RFC1: variants seen among roughly 807,000 people sequenced by gnomAD.
The protein encoded by RFC1 is A1 140 kDa subunit.
Under a neutral mutation model 137.4 loss-of-function variants are expected in RFC1, and 37 were observed. That is an observed-to-expected ratio of 0.27 (90% CI 0.21 to 0.35). RFC1 has a LOEUF of 0.35. Among genes scored for constraint, RFC1 ranks in the 10% least tolerant of loss-of-function variants. RFC1 has a pLI of 1.00. For synonymous variants in RFC1, 429 were observed against 455.7 expected, an observed-to-expected ratio of 0.94 and a Z score of 0.75; for missense variants, 1,205 against 1,358.5, an observed-to-expected ratio of 0.89 and a Z score of 1.78.
chr4:39,308,980 T>C lies in RFC1; in HGVS notation c.1541A>G (p.Lys514Arg). 6.2e-7 allele frequency: 1 copy of C among 1,612,394 alleles called. No individual in the cohort carries two copies. Among genetic ancestry groups the C allele is most frequent in the Non-Finnish European group, 8.5e-7 (1 of 1,179,774 alleles). ...CTTTTTAGATGGACTAATTTTTCTT[T>C]TTCCTTGGACATTTTTTTGGGGTGT... ...ERTPQKNVQG[K>R]RKISPSKKES... is the part of the protein sequence containing the mutation. The change falls in exon 13 of 25, where the codon AAA becomes AGA. Residue 514 changes from lysine to arginine, a missense_variant. Around this residue, in one of 3 missense-constraint regions of RFC1, gnomAD observed 962 missense variants for 1,035.3 expected, o/e 0.93. Transcript: ENST00000349703.
At chr4:39,321,575 G>T in intron 7 of RFC1, 1 of 514,454 alleles carries the variant, frequency 1.9e-6, no homozygotes, top group Non-Finnish European at 3.4e-6. Context: ...TGAGGAAACA[G>T]ATGAAAGGGT....
chr4:39,352,708 A>T (rs760770881), intron 1 of RFC1, among the ~76,000 whole-genome samples: 2 of 152,182 alleles, frequency 1.3e-5, no homozygotes, highest in Non-Finnish European at 2.9e-5. Context: ...TCATCCCTTC[A>T]TATTACTGAA....
rs1260767519 is a variant in RFC1 at position 39,308,676 on chromosome 4, G to A, written c.1845C>T (p.Leu615=). 6.2e-7 allele frequency: 1 copy of A among 1,612,202 alleles called. No individual in the cohort carries two copies. Among genetic ancestry groups the A allele is most frequent in the East Asian group, 2.2e-5 (1 of 44,880 alleles). ...CGGAAGAACTCTTTTGCCAGTTTCG[G>A]AGCCAGCGTAGGAGTTTGTTGGCAC... ...QSCANKLLRW[L]RNWQKSSSED... Residue 615 remains leucine (L), a synonymous_variant, in exon 13 of 25, where the codon CTC becomes CTT. Coordinates refer to ENST00000349703, the MANE Select transcript of RFC1 (RefSeq NM_002913.5).
chr4:39,360,903 C>T (rs1043009835), intron 1 of RFC1, among the ~76,000 whole-genome samples: 51 of 152,232 alleles, frequency 3.4e-4, no homozygotes, highest in African/African-American at 1.0e-3. Flanking sequence ...ATAAGTATTT[C>T]TGGTTAATAT....
At chr4:39,336,038 C>T (rs1740335605) in intron 4 of RFC1, among the ~76,000 whole-genome samples, 1 of 152,144 alleles carries the variant, frequency 6.6e-6, no homozygotes, top group Non-Finnish European at 1.5e-5. Context: ...TGCTTCGGAA[C>T]CTCAGTATCT....
intron 19 of RFC1, 68 bp downstream of exon 19, chr4:39,302,210 C>T: frequency 1.1e-6 from 1 of 947,000 alleles, no homozygotes; most frequent in Non-Finnish European, 1.7e-6. Flanking sequence ...CTACTTCTAT[C>T]AAGCTACCTA....
chr4:39,361,508 T>C (rs1741756292), intron 1 of RFC1, among the ~76,000 whole-genome samples: 1 of 152,222 alleles, frequency 6.6e-6, no homozygotes, highest in African/African-American at 2.4e-5. Flanking sequence ...ATGTCTGCTC[T>C]TGCCACTTGT....
At chr4:39,366,156 T>A in intron 1 of RFC1, 83 bp downstream of exon 1, 6 of 1,419,500 alleles carry the variant, frequency 4.2e-6, no homozygotes, top group Non-Finnish European at 4.8e-6. Context: ...TCCCCCACCC[T>A]GCATACCAGG....
At chr4:39,366,126 G>T in intron 1 of RFC1, 113 bp downstream of exon 1, 1 of 1,217,620 alleles carries the variant, frequency 8.2e-7, no homozygotes, top group Non-Finnish European at 1.1e-6. Context: ...GCTAGCCTCC[G>T]GAACCACCCA....
chr4:39,310,746 A>G (rs918996661), intron 12 of RFC1, among the ~76,000 whole-genome samples: 5 of 152,228 alleles, frequency 3.3e-5, no homozygotes, highest in Non-Finnish European at 7.3e-5. Flanking sequence ...GCACAATTTA[A>G]AAAGTCCTAA....
intron 1 of RFC1, among the ~76,000 whole-genome samples, chr4:39,364,735 T>G (rs1741935940): frequency 6.6e-6 from 1 of 152,168 alleles, no homozygotes; most frequent in Non-Finnish European, 1.5e-5. Context: ...CCTATACATC[T>G]TGCTTAATCC....
At chr4:39,366,215 G>C (rs1426990715) in intron 1 of RFC1, 24 bp downstream of exon 1, 3 of 1,552,642 alleles carry the variant, frequency 1.9e-6, no homozygotes, top group Non-Finnish European at 2.6e-6. Context: ...ACCCCGAGCC[G>C]CACGGCCTCC....
intron 3 of RFC1, 151 bp downstream of exon 3, chr4:39,345,250 A>G (rs867261720): frequency 2.8e-5 from 16 of 569,000 alleles, no homozygotes; most frequent in Middle Eastern, 4.8e-4. Context: ...CCTGACCTCA[A>G]GTCATCTGCC....
chr4:39,313,653 A>G (rs1254026992), intron 10 of RFC1, among the ~76,000 whole-genome samples: 1 of 152,140 alleles, frequency 6.6e-6, no homozygotes, highest in Non-Finnish European at 1.5e-5. Context: ...AATGCAACTT[A>G]TAATGCTTAA....
chr4:39,363,134 T>G (rs1371765642), intron 1 of RFC1, among the ~76,000 whole-genome samples: 1 of 152,256 alleles, frequency 6.6e-6, no homozygotes, highest in African/African-American at 2.4e-5. Context: ...TTTTCAATAA[T>G]TATACCAACC....
chr4:39,365,331 T>C, intron 1 of RFC1: 1 of 260,046 alleles, frequency 3.8e-6, no homozygotes, highest in Non-Finnish European at 5.9e-6. Flanking sequence ...CCCCAGAATG[T>C]TGTCACTGTG....
At position 39,356,252 on chromosome 4, in the gene RFC1, A is replaced by G. The variant is rs60576965; in HGVS notation, c.4-4776T>C. On this transcript the variant is annotated intron_variant, in intron 1 of 24. Transcript: ENST00000349703. ...CATCTCTACTAAAAATACAAAAATT[A>G]GCCGAGCTTGGTGGTACGTGCCTGT... Among the ~76,000 whole-genome samples the G allele has an allele frequency of 4.2e-3, 633 of 152,092 alleles. 4 individuals carry two copies. The highest frequency in any genetic ancestry group is 0.015 in the African/African-American group (604 of 41,480).
chr4:39,301,522 C>T (rs1416541297), intron 19 of RFC1, among the ~76,000 whole-genome samples: 1 of 152,116 alleles, frequency 6.6e-6, no homozygotes, highest in Non-Finnish European at 1.5e-5. Flanking sequence ...AGAGGCTGTG[C>T]GTGTGAGGGG....
chr4:39,304,977 A>C (rs778818722), intron 14 of RFC1, 49 bp from the exon 15 acceptor site: 35 of 1,066,678 alleles, frequency 3.3e-5, no homozygotes, highest in East Asian at 4.7e-5. Context: ...AATTAACTCC[A>C]CCACCCCCGC....
Sources: allele counts gnomAD v4.1 joint callset (sites outside exome capture counted in the v4.1 genomes callset), GRCh38; gene constraint gnomAD v4.1.1; regional missense constraint gnomAD v4.1.1; transcripts MANE v1.5; gene names NCBI Gene and HGNC (gene_info 2026-07-23, HGNC 2026-07-21).